INPP4B: variants seen among roughly 807,000 people sequenced by gnomAD.
INPP4B encodes the protein inositol polyphosphate-4-phosphatase type II B, also known as inositol polyphosphate 4-phosphatase type II.
In INPP4B, 55 loss-of-function variants were observed where a neutral mutation model predicts 122.5. The observed-to-expected ratio is 0.45, with a 90% confidence interval of 0.36 to 0.56. INPP4B has a LOEUF of 0.56. INPP4B is among the 20% of genes least tolerant of loss of function. INPP4B has a pLI of 0.00. For synonymous variants in INPP4B, 403 were observed against 388.7 expected (o/e 1.04, Z -0.43); for missense variants, 1,000 against 1,097.7 (o/e 0.91, Z 1.26).
intron 1 of INPP4B, among the ~76,000 whole-genome samples, chr4:142,765,611 A>C (rs949216958): frequency 6.6e-6 from 1 of 152,182 alleles, no homozygotes; most frequent in Non-Finnish European, 1.5e-5. Flanking sequence ...AACAAAATAG[A>C]ACTGACTTTG....
intron 21 of INPP4B, 147 bp downstream of exon 21, chr4:142,121,981 T>A: frequency 1.7e-6 from 1 of 595,910 alleles, no homozygotes; most frequent in Admixed American, 3.4e-5. Flanking sequence ...TATCATATCA[T>A]CCATGTGTAT....
At position 142,237,993 on chromosome 4, in the gene INPP4B, C is replaced by A. The variant is rs1251772470; in HGVS notation, c.707G>T (p.Cys236Phe). The change falls in exon 12 of 26, where the codon TGT becomes TTT. Residue 236 changes from cysteine to phenylalanine, a missense_variant. Transcript: ENST00000262992. ...AGATGTGGGAAATCTATATAATTTA[C>A]ATACTGGGTTCTTTAACACTGGAAA... Reference protein sequence around the residue: ...FLNSVLKNPVCKLYRFPTSDN... With the variant: ...FLNSVLKNPVFKLYRFPTSDN... 6.5e-7 allele frequency: 1 copy of A among 1,542,894 alleles called. No individual in the cohort carries two copies. The highest frequency in any genetic ancestry group is 2.3e-5 in the East Asian group (1 of 44,218).
intron 1 of INPP4B, among the ~76,000 whole-genome samples, chr4:142,806,980 C>T (rs1778945428): frequency 6.6e-6 from 1 of 152,158 alleles, no homozygotes; most frequent in South Asian, 2.1e-4. Context: ...TGCCCCTCAA[C>T]ATGTTCATCC....
intron 16 of INPP4B, among the ~76,000 whole-genome samples, chr4:142,168,021 C>T (rs765415390): frequency 6.6e-6 from 1 of 150,912 alleles, no homozygotes; most frequent in Non-Finnish European, 1.5e-5. Context: ...TTCTGGCTTG[C>T]CTAAAGCCTA....
chr4:142,045,039 T>C (rs551403626), intron 25 of INPP4B, among the ~76,000 whole-genome samples: 1 of 152,222 alleles, frequency 6.6e-6, no homozygotes, highest in Non-Finnish European at 1.5e-5. Context: ...ACAGCCAAAA[T>C]TGAATTTCTG....
At chr4:142,237,576 T>A (rs1857212778) in intron 12 of INPP4B, among the ~76,000 whole-genome samples, 1 of 151,954 alleles carries the variant, frequency 6.6e-6, no homozygotes, top group Admixed American at 6.6e-5. Flanking sequence ...ACTAGTCATA[T>A]CTCAAGTAAT....
intron 2 of INPP4B, among the ~76,000 whole-genome samples, chr4:142,547,865 A>C (rs1260824108): frequency 2.0e-5 from 3 of 152,200 alleles, no homozygotes; most frequent in Non-Finnish European, 4.4e-5. Flanking sequence ...AGACTAAAAT[A>C]TTATGGGAAT....
intron 3 of INPP4B, among the ~76,000 whole-genome samples, chr4:142,461,824 C>CACACACAT (rs1580126122): frequency 1.3e-5 from 2 of 151,966 alleles, no homozygotes; most frequent in East Asian, 1.9e-4. Flanking sequence ...CACACACACA[C>CACACACAT]GTTGGGGTAA....
In INPP4B at chr4:142,548,381, A is replaced by G. The variant is rs553518645; in HGVS notation, c.-190-85655T>C. Among the ~76,000 whole-genome samples, 13 of 152,310 alleles carry G rather than the reference A, an allele frequency of 8.5e-5. No individual in the cohort carries two copies. In the South Asian group the frequency reaches 2.7e-3, roughly 32 times the overall value. ...ATAAACATCCAAACAGAGACACAAAAAAGGTCATGAAAGGAAAAGTCTACT... is the reference window on the plus strand; with the variant it reads ...ATAAACATCCAAACAGAGACACAAAGAAGGTCATGAAAGGAAAAGTCTACT... On this transcript the variant is annotated intron_variant, in intron 2 of 25. Transcript: ENST00000262992.
At chr4:142,169,209 A>T (rs72718498) in intron 16 of INPP4B, among the ~76,000 whole-genome samples, 15,181 of 151,730 alleles carry the variant, frequency 0.1, 1,124 homozygotes, top group African/African-American at 0.2. Context: ...CACCAATTAA[A>T]TAATTACCAT....
intron 15 of INPP4B, among the ~76,000 whole-genome samples, chr4:142,174,632 CTTTTT>C (rs34766161): frequency 6.6e-6 from 1 of 151,108 alleles, no homozygotes; most frequent in African/African-American, 2.4e-5. Flanking sequence ...TTATTGACTT[CTTTTT>C]TTTAAGAGAC....
At chr4:142,323,983 C>A (rs1257562473) in intron 7 of INPP4B, among the ~76,000 whole-genome samples, 1 of 152,058 alleles carries the variant, frequency 6.6e-6, no homozygotes, top group Non-Finnish European at 1.5e-5. Flanking sequence ...CCCTTACTCC[C>A]AAGTAGCTCA....
intron 12 of INPP4B, among the ~76,000 whole-genome samples, chr4:142,232,780 T>C (rs555776904): frequency 6.6e-6 from 1 of 152,104 alleles, no homozygotes; most frequent in East Asian, 1.9e-4. Flanking sequence ...TTGAAGGAAA[T>C]TAAAATTGCT....
intron 5 of INPP4B, among the ~76,000 whole-genome samples, chr4:142,409,366 GCCTTTAATCCCA>G (rs765987720): frequency 1.1e-4 from 16 of 152,062 alleles, no homozygotes; most frequent in Non-Finnish European, 1.8e-4. Flanking sequence ...GGTGGTGGGT[GCCTTTAATCCCA>G]GCTACTCGGA....
chr4:142,481,436 A>AG (rs1367188005), intron 2 of INPP4B, among the ~76,000 whole-genome samples: 1 of 152,144 alleles, frequency 6.6e-6, no homozygotes, highest in Non-Finnish European at 1.5e-5. Flanking sequence ...TTCTGAGAGG[A>AG]ATCCCTCTAA....
intron 2 of INPP4B, among the ~76,000 whole-genome samples, chr4:142,709,772 A>G (rs1762892450): frequency 1.3e-5 from 2 of 152,006 alleles, no homozygotes; most frequent in South Asian, 4.2e-4. Flanking sequence ...TTTCTTTTCA[A>G]CTTATTACCT....
At position 142,027,427 on chromosome 4, in the gene INPP4B, G is replaced by C. The variant is rs1264745389; in HGVS notation, c.*1355C>G. 1 of 152,190 alleles carries C rather than the reference G, an allele frequency of 6.6e-6. No homozygotes were observed. The highest frequency in any genetic ancestry group is 1.5e-5 in the Non-Finnish European group (1 of 68,024). The allele number at this position is 152,190 out of a possible 1,614,324, so 9.4% of individuals were successfully genotyped here. On this transcript the variant is annotated 3_prime_UTR_variant, in exon 26 of 26. Transcript: ENST00000262992. Reference sequence around the variant, plus strand: ...GGGAGATTTATGCTTTGGATAGCATGCTCTTCTAATGAGAAAGGAACAAGA... The same window carrying C: ...GGGAGATTTATGCTTTGGATAGCATCCTCTTCTAATGAGAAAGGAACAAGA...
intron 1 of INPP4B, among the ~76,000 whole-genome samples, chr4:142,760,007 T>A (rs945333953): frequency 1.3e-5 from 2 of 152,012 alleles, no homozygotes; most frequent in Admixed American, 1.3e-4. Flanking sequence ...TCCTCTGATT[T>A]TCTTCTCTGC....
chr4:142,582,084 A>T (rs924146485), intron 2 of INPP4B, among the ~76,000 whole-genome samples: 4 of 151,960 alleles, frequency 2.6e-5, no homozygotes, highest in African/African-American at 9.7e-5. Flanking sequence ...CTTCCCAAAC[A>T]CATTACACCT....
Sources: allele counts gnomAD v4.1 joint callset (sites outside exome capture counted in the v4.1 genomes callset), GRCh38; gene constraint gnomAD v4.1.1; transcripts MANE v1.5; gene names NCBI Gene and HGNC (gene_info 2026-07-23, HGNC 2026-07-21).